Variants in RBFOX1 observed in about 807,000 individuals in gnomAD.
The protein encoded by RBFOX1 is RNA binding fox-1 homolog 1.
In RBFOX1, 8 loss-of-function variants were observed where a neutral mutation model predicts 57.7. The observed-to-expected ratio is 0.14, with a 90% CI of 0.08 to 0.25. The LOEUF (loss-of-function observed/expected upper bound fraction) is 0.25, where lower values mean the gene tolerates loss of function less well. Among genes scored for constraint, RBFOX1 ranks in the 10% least tolerant of loss-of-function variants. The pLI is 1.00. For missense variants in RBFOX1, 611 were observed against 548.5 expected (o/e 1.11, Z -1.14); for synonymous variants, 326 against 222.4 (o/e 1.47, Z -4.15).
intron 4 of RBFOX1, among the ~76,000 whole-genome samples, chr16:5,972,485 C>G (rs940503043): frequency 2.6e-5 from 4 of 152,294 alleles, no homozygotes; most frequent in African/African-American, 7.2e-5. Context: ...CCAGCGTCCT[C>G]TCTTAAAATG....
At position 7,318,461 on chromosome 16, in the gene RBFOX1, C is replaced by G. The variant is rs150930846; in HGVS notation, c.28-199686C>G. Among the ~76,000 whole-genome samples, 158 of 152,220 alleles carry G rather than the reference C, an allele frequency of 1.0e-3. 1 individual carries two copies. The highest frequency in any genetic ancestry group is 3.5e-3 in the African/African-American group (147 of 41,534). ...TAAGTACCTGGCTTCAGATTTGGTT[C>G]AAGTCTACCACTTACCACCTTTGCA... On this transcript the variant is annotated intron_variant, in intron 4 of 15. Coordinates refer to ENST00000550418, the MANE Select transcript of RBFOX1 (RefSeq NM_018723.4).
chr16:5,407,993 T>C (rs2066911144), intron 1 of RBFOX1, among the ~76,000 whole-genome samples: 1 of 152,254 alleles, frequency 6.6e-6, no homozygotes, highest in South Asian at 2.1e-4. Flanking sequence ...TCTGAAATCA[T>C]GGCAGGGCTT....
intron 1 of RBFOX1, among the ~76,000 whole-genome samples, chr16:6,297,987 G>T (rs967477137): frequency 3.3e-5 from 5 of 152,172 alleles, no homozygotes; most frequent in East Asian, 3.9e-4. Context: ...GTTCTTTCGG[G>T]GTGCTGGAGA....
At chr16:5,986,894 G>T (rs549311717) in intron 4 of RBFOX1, among the ~76,000 whole-genome samples, 1 of 152,166 alleles carries the variant, frequency 6.6e-6, no homozygotes, top group Non-Finnish European at 1.5e-5. Flanking sequence ...ATGCCGAAGC[G>T]TACAACTGCC....
intron 4 of RBFOX1, among the ~76,000 whole-genome samples, chr16:7,088,660 T>C (rs2060348406): frequency 6.6e-6 from 1 of 152,186 alleles, no homozygotes; most frequent in South Asian, 2.1e-4. Context: ...CATGAATGGT[T>C]TAGAAAAAAT....
At chr16:7,681,145 G>A (rs2074625195) in intron 14 of RBFOX1, among the ~76,000 whole-genome samples, 2 of 152,086 alleles carry the variant, frequency 1.3e-5, no homozygotes, top group African/African-American at 4.8e-5. Flanking sequence ...GTTCATAGAG[G>A]ATTTAGTCTT....
intron 2 of RBFOX1, among the ~76,000 whole-genome samples, chr16:6,580,804 G>T (rs1322525509): frequency 2.0e-5 from 3 of 151,910 alleles, no homozygotes; most frequent in Non-Finnish European, 4.4e-5. Flanking sequence ...CACAGATTCT[G>T]TTATCCCCAA....
intron 2 of RBFOX1, among the ~76,000 whole-genome samples, chr16:6,380,654 C>T (rs2091718925): frequency 1.3e-5 from 2 of 152,004 alleles, no homozygotes; most frequent in South Asian, 4.2e-4. Flanking sequence ...CTCTGACATG[C>T]ATTGCTATCA....
At chr16:5,275,311 A>G (rs910067957) in intron 1 of RBFOX1, among the ~76,000 whole-genome samples, 1 of 152,194 alleles carries the variant, frequency 6.6e-6, no homozygotes, top group African/African-American at 2.4e-5. Context: ...GAATATTTCA[A>G]AGCTTATTGC....
intron 2 of RBFOX1, among the ~76,000 whole-genome samples, chr16:6,466,922 C>T (rs949910610): frequency 2.0e-5 from 3 of 151,882 alleles, no homozygotes; most frequent in African/African-American, 7.2e-5. Flanking sequence ...CTTAATATAA[C>T]TAAATGCAGC....
chr16:6,343,902 T>G lies in RBFOX1; in HGVS notation c.-64+26845T>G, dbSNP rs78743507. The stretch of plus-strand genomic sequence containing the variant: ...ATCCCCTGAGAATTAAAGATGATGC[T>G]TCTCATGTAAATTGCTTGAGGTTTT... On this transcript the variant is annotated intron_variant, in intron 2 of 15. Coordinates refer to ENST00000550418, the MANE Select transcript of RBFOX1 (RefSeq NM_018723.4). 2.8e-4 allele frequency among the ~76,000 whole-genome samples: 43 copies of G among 152,328 alleles called. No homozygotes were observed. In the East Asian group the frequency reaches 7.9e-3, roughly 28 times the overall value.
At chr16:5,735,285 T>C (rs1244747994) in intron 3 of RBFOX1, among the ~76,000 whole-genome samples, 2 of 152,216 alleles carry the variant, frequency 1.3e-5, no homozygotes, top group Non-Finnish European at 2.9e-5. Flanking sequence ...ATTTCATGGC[T>C]TCCATTACTC....
At chr16:6,334,180 T>C (rs2083365115) in intron 2 of RBFOX1, among the ~76,000 whole-genome samples, 1 of 152,198 alleles carries the variant, frequency 6.6e-6, no homozygotes, top group South Asian at 2.1e-4. Flanking sequence ...GGACAACTTG[T>C]CAGCCACTCC....
intron 3 of RBFOX1, among the ~76,000 whole-genome samples, chr16:6,819,475 G>A (rs886186736): frequency 2.0e-5 from 3 of 152,026 alleles, no homozygotes; most frequent in East Asian, 1.9e-4. Flanking sequence ...AGGCCCAGGC[G>A]GGCGGATCAC....
At chr16:7,427,334 T>G (rs1026571583) in intron 4 of RBFOX1, among the ~76,000 whole-genome samples, 4 of 152,162 alleles carry the variant, frequency 2.6e-5, no homozygotes, top group African/African-American at 9.7e-5. Flanking sequence ...GCCAAGTAAT[T>G]TGCATTCTAA....
chr16:7,003,828 A>C (rs2093053405), intron 3 of RBFOX1, among the ~76,000 whole-genome samples: 1 of 152,178 alleles, frequency 6.6e-6, no homozygotes, highest in Non-Finnish European at 1.5e-5. Context: ...TCCAGGTTCT[A>C]CTTATAAATT....
chr16:6,738,730 C>T (rs183181335), intron 3 of RBFOX1, among the ~76,000 whole-genome samples: 1 of 152,172 alleles, frequency 6.6e-6, no homozygotes, highest in East Asian at 1.9e-4. Flanking sequence ...GAGACCATGT[C>T]CTAGGCCATA....
intron 2 of RBFOX1, among the ~76,000 whole-genome samples, chr16:6,459,509 G>C (rs550914543): frequency 6.6e-6 from 1 of 152,018 alleles, no homozygotes; most frequent in Non-Finnish European, 1.5e-5. Flanking sequence ...AAAGAAAATC[G>C]CTTTAGAGCT....
intron 2 of RBFOX1, among the ~76,000 whole-genome samples, chr16:5,539,080 C>T (rs1422524031): frequency 1.3e-5 from 2 of 152,104 alleles, no homozygotes; most frequent in Non-Finnish European, 2.9e-5. Context: ...ACAGATAAGA[C>T]CTGCCTTTCA....
Sources: allele counts gnomAD v4.1 joint callset (sites outside exome capture counted in the v4.1 genomes callset), GRCh38; gene constraint gnomAD v4.1.1; transcripts MANE v1.5; gene names NCBI Gene and HGNC (gene_info 2026-07-23, HGNC 2026-07-21).